Variants in ALKBH6 observed in about 807,000 individuals in gnomAD.
The protein encoded by ALKBH6 is probable RNA/DNA demethylase ALKBH6.
A neutral mutation model predicts 25.1 loss-of-function variants in ALKBH6; 20 were observed. The observed-to-expected ratio is 0.80, with a 90% CI of 0.56 to 1.16. The LOEUF is 1.16. Ranked by LOEUF, ALKBH6 falls within the 50% of genes most tolerant of loss-of-function variation. The probability of loss-of-function intolerance (pLI) is 0.00; values close to 1 mark genes in which losing one functional copy is unlikely to be tolerated. For synonymous variants in ALKBH6, 156 were observed against 147.5 expected (o/e 1.06, Z -0.42); for missense variants, 263 against 326.5 (o/e 0.81, Z 1.50).
intron 6 of ALKBH6, 55 bp from the exon 7 acceptor site, chr19:36,009,608 G>GGGCTGGGGGGGGGGGGGGGGGGC: frequency 3.0e-6 from 1 of 336,932 alleles, no homozygotes. Flanking sequence ...GTGGGGGTGG[G>GGGCTGGGGGGGGGGGGGGGGGGC]CGAGAGGTCG....
rs369926181 is a variant in ALKBH6 at position 36,010,671 on chromosome 19, C to T, written c.349G>A (p.Gly117Arg). The stretch of plus-strand genomic sequence containing the variant: ...CTGACAGTCGGGTAGTACAGTGGTC[C>T]GTCCTCGTGGGGCTAGGGAGTGGGC... Reference protein sequence around the residue: ...PGEGIMPHEDGPLYYPTVSTI... With the variant: ...PGEGIMPHEDRPLYYPTVSTI... Residue 117 changes from glycine (G) to arginine (R), a missense_variant, in exon 6 of 7, where the codon GGA becomes AGA. Physicochemically the swap from Gly to Arg is moderately radical, Grantham distance 125. Around this residue, in one of 3 missense-constraint regions of ALKBH6, gnomAD observed 112 missense variants for 153.0 expected, o/e 0.73. Coordinates refer to ENST00000378875, the MANE Select transcript of ALKBH6 (RefSeq NM_032878.5). The surrounding 1 kb of genome is among the most constrained non-coding windows in gnomAD (Gnocchi z 5.5). The T allele has an allele frequency of 1.2e-6, 2 of 1,613,868 alleles. No individual in the cohort carries two copies. Among genetic ancestry groups the T allele is most frequent in the South Asian group, 1.1e-5 (1 of 91,078 alleles).
chr19:36,013,888 T>A lies in ALKBH6; in HGVS notation c.-26+287A>T. The A allele has an allele frequency of 7.7e-7, 1 of 1,301,560 alleles. No individual in the cohort carries two copies. The highest frequency in any genetic ancestry group is 9.8e-7 in the Non-Finnish European group (1 of 1,024,592). The allele number at this position is 1,301,560 out of a possible 1,614,324, so 80.6% of individuals were successfully genotyped here. A position where few individuals can be genotyped will look rare whatever the true frequency, so the allele number is the denominator to read the frequency against. On this transcript the variant is annotated intron_variant, in intron 1 of 6. Coordinates refer to ENST00000378875, the MANE Select transcript of ALKBH6 (RefSeq NM_032878.5). The surrounding 1 kb of genome is among the most constrained non-coding windows in gnomAD (Gnocchi z 4.6). ...TCTGTGCACTCCTGTGACCCCAATC[T>A]GAGCCTCCTCAGACATGTCCACCCT...
rs1968693692 is a variant in ALKBH6 at position 36,013,795 on chromosome 19, G to A, written c.-25-373C>T. The A allele has an allele frequency of 3.2e-6, 4 of 1,267,240 alleles. No homozygotes were observed. Among genetic ancestry groups the A allele is most frequent in the Non-Finnish European group, 4.0e-6 (4 of 1,004,172 alleles). 78.5% of individuals were successfully genotyped at this position (1,267,240 alleles called of 1,614,324 possible). A position where few individuals can be genotyped will look rare whatever the true frequency, so the allele number is the denominator to read the frequency against. ...GCCCCTTTAAACACCTTGAGACCCC[G>A]CTTCAGACCTGCAACTGTGAGCCCG... On this transcript the variant is annotated intron_variant, in intron 1 of 6. Transcript: ENST00000378875. This position sits in a 1 kb window ranked among gnomAD's most constrained non-coding sequence, Gnocchi z 4.6.
chr19:36,013,622 G>C lies in ALKBH6; in HGVS notation c.-25-200C>G, dbSNP rs1968685303. On this transcript the variant is annotated intron_variant, in intron 1 of 6. Transcript: ENST00000378875. This position sits in a 1 kb window ranked among gnomAD's most constrained non-coding sequence, Gnocchi z 4.6. ...CATGCCCGGACACAATGAGCCCCAA[G>C]AATAATCCCCCATTACTCTGTCCAC... 8 of 1,408,704 alleles carry C rather than the reference G, an allele frequency of 5.7e-6. No individual in the cohort carries two copies. The highest frequency in any genetic ancestry group is 2.9e-5 in the Admixed American group (1 of 33,978). The allele number at this position is 1,408,704 out of a possible 1,614,324, so 87.3% of individuals were successfully genotyped here. A position where few individuals can be genotyped will look rare whatever the true frequency, so the allele number is the denominator to read the frequency against.
chr19:36,009,551 A>AGGCTGC lies in ALKBH6; in HGVS notation c.454-4_455dup (p.Gln151_Pro152dup). 1.1e-6 allele frequency: 1 copy of AGGCTGC among 918,844 alleles called. No homozygotes were observed. Among genetic ancestry groups the AGGCTGC allele is most frequent in the Non-Finnish European group, 1.2e-6 (1 of 804,792 alleles). The allele number at this position is 918,844 out of a possible 1,614,324, so 56.9% of individuals were successfully genotyped here. A position where few individuals can be genotyped will look rare whatever the true frequency, so the allele number is the denominator to read the frequency against. Reference sequence around the variant, plus strand: ...AGGTGGTGGGCCGGGGCGGAGGCCGAGGCTGCAGGGCGGGTTGAGGGTCAG... The same window carrying AGGCTGC: ...AGGTGGTGGGCCGGGGCGGAGGCCGAGGCTGCGGCTGCAGGGCGGGTTGAGGGTCAG... On this transcript the variant is annotated inframe_insertion and splice_region_variant, in exon 7 of 7. Transcript: ENST00000378875.
Position 36,010,596 on chromosome 19 carries a change from G to A in ALKBH6, c.424C>T (p.Arg142Trp), listed in dbSNP as rs371549136. The change falls in exon 6 of 7, where the codon CGG becomes TGG. Residue 142 changes from arginine (R) to tryptophan (W), a missense_variant. Arg to Trp is a moderately radical substitution (Grantham distance 101). This residue lies in a region of ALKBH6 where 148 missense variants were observed against 157.5 expected (regional missense o/e 0.94). Coordinates refer to ENST00000378875, the MANE Select transcript of ALKBH6 (RefSeq NM_032878.5). This position sits in a 1 kb window ranked among gnomAD's most constrained non-coding sequence, Gnocchi z 5.5. ...HTVLDFYEPR[R>W]PEDDDPTEQP... is the part of the protein sequence containing the mutation. ...TCTGTAGGGTCATCGTCCTCTGGCC[G>A]CCGCGGCTCGTAGAAGTCCAGCACG... is the stretch of plus-strand genomic sequence containing the variant. 30 of 1,613,826 alleles carry A rather than the reference G, an allele frequency of 1.9e-5. No individual in the cohort carries two copies. The East Asian group carries it at 2.5e-4, about 13-fold the overall frequency.
Position 36,009,410 on chromosome 19 carries a change from G to A in ALKBH6, c.597C>T (p.Pro199=). Residue 199 remains proline (P), a synonymous_variant, in exon 7 of 7, where the codon CCC becomes CCT. Transcript: ENST00000378875. ...VDALDAASSP[P]NAAACPSARP... is the part of the protein sequence containing the mutation. Reference sequence around the variant, plus strand: ...GCGCCGACGGGCAGGCTGCCGCATTGGGCGGCGAGGAGGCGGCGTCCAGCG... The same window carrying A: ...GCGCCGACGGGCAGGCTGCCGCATTAGGCGGCGAGGAGGCGGCGTCCAGCG... 1 of 1,248,420 alleles carries A rather than the reference G, an allele frequency of 8.0e-7. No homozygotes were observed. The highest frequency in any genetic ancestry group is 1.0e-6 in the Non-Finnish European group (1 of 997,922). 77.3% of individuals were successfully genotyped at this position (1,248,420 alleles called of 1,614,324 possible).
chr19:36,014,152 C>T (rs1234576474), intron 1 of ALKBH6, 23 bp downstream of exon 1: 1 of 1,611,916 alleles, frequency 6.2e-7, no homozygotes, highest in South Asian at 1.1e-5. Flanking sequence ...CCATCTCTAC[C>T]CCCAGCACTC....
intron 3 of ALKBH6, 100 bp downstream of exon 3, chr19:36,012,921 G>T: frequency 1.7e-6 from 2 of 1,149,920 alleles, no homozygotes; most frequent in East Asian, 2.3e-5. Flanking sequence ...CCTTCTGTCG[G>T]GGTCTTCACT....
At position 36,013,514 on chromosome 19, in the gene ALKBH6, C is replaced by A. The variant is rs1968680049; in HGVS notation, c.-25-92G>T. 7.1e-6 allele frequency: 11 copies of A among 1,556,258 alleles called. No individual in the cohort carries two copies. The highest frequency in any genetic ancestry group is 9.5e-6 in the Non-Finnish European group (11 of 1,152,718). ...CACCCCATCACAGGCCAGGCCTCAC[C>A]TCAGCCCTCTTCTGAAACGCACTTG... On this transcript the variant is annotated intron_variant, in intron 1 of 6. Coordinates refer to ENST00000378875, the MANE Select transcript of ALKBH6 (RefSeq NM_032878.5). This position sits in a 1 kb window ranked among gnomAD's most constrained non-coding sequence, Gnocchi z 4.6.
At position 36,013,098 on chromosome 19, in the gene ALKBH6, G is replaced by C. The variant is rs1163503128; in HGVS notation, c.55-9C>G. On this transcript the variant is annotated splice_polypyrimidine_tract_variant and intron_variant, in intron 2 of 6. Transcript: ENST00000378875. The surrounding 1 kb of genome is among the most constrained non-coding windows in gnomAD (Gnocchi z 4.6). ...TAGATTACAGGTGGTGCCTAGGATA[G>C]AAAGACCCCCTGAAGGTGTGGCCCT... is the stretch of plus-strand genomic sequence containing the variant. The C allele has an allele frequency of 9.3e-6, 15 of 1,612,952 alleles. No homozygotes were observed. The highest frequency in any genetic ancestry group is 1.2e-5 in the Non-Finnish European group (14 of 1,179,094).
upstream of ALKBH6, chr19:36,014,220 C>T (rs985062549): frequency 6.2e-7 from 1 of 1,612,790 alleles, no homozygotes; most frequent in Non-Finnish European, 8.5e-7. Context: ...CATCCCCATC[C>T]CCCTCCCAGC....
Position 36,010,183 on chromosome 19 carries a change from C to T in ALKBH6, c.453+384G>A, listed in dbSNP as rs1398974624. ...TCAAGGAGAATCTGGGGGTGTCCTGCACCCCAAATCACATTCCTGGAGTAG... is the reference window on the plus strand; with the variant it reads ...TCAAGGAGAATCTGGGGGTGTCCTGTACCCCAAATCACATTCCTGGAGTAG... On this transcript the variant is annotated intron_variant, in intron 6 of 6. Transcript: ENST00000378875. The surrounding 1 kb of genome is among the most constrained non-coding windows in gnomAD (Gnocchi z 5.5). 3 of 226,196 alleles carry T rather than the reference C, an allele frequency of 1.3e-5. No individual in the cohort carries two copies. Among genetic ancestry groups the T allele is most frequent in the East Asian group, 2.3e-4 (2 of 8,600 alleles). The allele number at this position is 226,196 out of a possible 1,614,324, so 14.0% of individuals were successfully genotyped here. A position where few individuals can be genotyped will look rare whatever the true frequency, so the allele number is the denominator to read the frequency against.
In ALKBH6 at chr19:36,010,668, G is replaced by A; in HGVS notation, c.352C>T (p.Pro118Ser). The change falls in exon 6 of 7, where the codon CCA (proline) becomes TCA (serine). Residue 118 changes from proline (P) to serine (S), a missense_variant. Around this residue, in one of 3 missense-constraint regions of ALKBH6, gnomAD observed 112 missense variants for 153.0 expected, o/e 0.73. Transcript: ENST00000378875. This position sits in a 1 kb window ranked among gnomAD's most constrained non-coding sequence, Gnocchi z 5.5. ...GTGCTGACAGTCGGGTAGTACAGTG[G>A]TCCGTCCTCGTGGGGCTAGGGAGTG... ...GEGIMPHEDG[P>S]LYYPTVSTIS... 2.5e-6 allele frequency: 4 copies of A among 1,613,950 alleles called. No homozygotes were observed. Among genetic ancestry groups the A allele is most frequent in the Non-Finnish European group, 3.4e-6 (4 of 1,179,902 alleles).
At position 36,010,891 on chromosome 19, in the gene ALKBH6, T is replaced by C; in HGVS notation, c.336+3A>G. 3 of 1,613,682 alleles carry C rather than the reference T, an allele frequency of 1.9e-6. No individual in the cohort carries two copies. The highest frequency in any genetic ancestry group is 1.7e-5 in the Admixed American group (1 of 59,988). ...GGGACACGGGCCGAGGGTGTGTGGT[T>C]ACCATGATGCCCTCCCCAGGCAGAT... On this transcript the variant is annotated splice_donor_region_variant and intron_variant, in intron 5 of 6. Transcript: ENST00000378875. The surrounding 1 kb of genome is among the most constrained non-coding windows in gnomAD (Gnocchi z 5.5).
Position 36,010,186 on chromosome 19 carries a change from C to T in ALKBH6, c.453+381G>A, listed in dbSNP as rs1328886960. The T allele has an allele frequency of 4.3e-6, 1 of 231,328 alleles. No individual in the cohort carries two copies. The highest frequency in any genetic ancestry group is 8.5e-6 in the Non-Finnish European group (1 of 117,662). 14.3% of individuals were successfully genotyped at this position (231,328 alleles called of 1,614,324 possible). ...AGGAGAATCTGGGGGTGTCCTGCAC[C>T]CCAAATCACATTCCTGGAGTAGCAG... On this transcript the variant is annotated intron_variant, in intron 6 of 6. Transcript: ENST00000378875. This position sits in a 1 kb window ranked among gnomAD's most constrained non-coding sequence, Gnocchi z 5.5.
At chr19:36,011,572 G>T in intron 3 of ALKBH6, 108 bp from the exon 4 acceptor site, 1 of 1,215,366 alleles carries the variant, frequency 8.2e-7, no homozygotes. Context: ...TGGGTCATCT[G>T]TGTCTGTGGG....
intron 1 of ALKBH6, 121 bp downstream of exon 1, chr19:36,014,054 T>C: frequency 6.5e-7 from 1 of 1,535,272 alleles, no homozygotes; most frequent in Non-Finnish European, 8.7e-7. Context: ...GATCCCCGAC[T>C]CCGAGCCTTT....
At position 36,010,754 on chromosome 19, in the gene ALKBH6, T is replaced by C; in HGVS notation, c.337-71A>G. ...CCCACCCTCTGGGTCAAAGGGGGGC[T>C]TCCCAAGCCAGGGACAGGGAGGTGA... is the stretch of plus-strand genomic sequence containing the variant. On this transcript the variant is annotated intron_variant, in intron 5 of 6. Coordinates refer to ENST00000378875, the MANE Select transcript of ALKBH6 (RefSeq NM_032878.5). This position sits in a 1 kb window ranked among gnomAD's most constrained non-coding sequence, Gnocchi z 5.5. The C allele has an allele frequency of 6.4e-7, 1 of 1,573,338 alleles. No individual in the cohort carries two copies. The highest frequency in any genetic ancestry group is 8.7e-7 in the Non-Finnish European group (1 of 1,145,064).
Sources: gnomAD v4.1 joint callset for allele counts on GRCh38, gnomAD v4.1.1 for gene constraint, gnomAD v4.1.1 regional missense constraint, Gnocchi (gnomAD v3.1) non-coding constraint, MANE v1.5 for transcripts, NCBI Gene and HGNC (gene_info 2026-07-23, HGNC 2026-07-21) for gene names.